RGS6: variants seen among roughly 807,000 people sequenced by gnomAD.
RGS6 encodes the protein regulator of G-protein signaling 6.
A neutral mutation model predicts 78.5 loss-of-function variants in RGS6; 30 were observed. That is an observed-to-expected ratio of 0.38 (90% CI 0.29 to 0.52). The LOEUF (loss-of-function observed/expected upper bound fraction) is 0.52, where lower values mean the gene tolerates loss of function less well. RGS6 is among the 20% of genes least tolerant of loss of function. The pLI, the probability that RGS6 is intolerant of heterozygous loss-of-function variation, is 0.85. For synonymous variants in RGS6, 206 were observed against 206.0 expected (o/e 1.00, Z 0.00); for missense variants, 495 against 609.7 (o/e 0.81, Z 1.98).
intron 2 of RGS6, among the ~76,000 whole-genome samples, chr14:72,094,809 T>G (rs1252227241): frequency 6.6e-6 from 1 of 152,204 alleles, no homozygotes; most frequent in Non-Finnish European, 1.5e-5. Context: ...TGTGGGTGAT[T>G]AAATGCTAAA....
chr14:72,465,621 G>GAT (rs1172911415), intron 6 of RGS6, 137 bp from the exon 7 acceptor site: 196 of 371,842 alleles, frequency 5.3e-4, no homozygotes, highest in South Asian at 2.6e-3. Flanking sequence ...TGGGTGGATG[G>GAT]GTGGATGGAT....
the RGS6 span, among the ~76,000 whole-genome samples, chr14:71,869,620 A>G: frequency 6.6e-6 from 1 of 152,358 alleles, no homozygotes; most frequent in South Asian, 2.1e-4. Context: ...TTTGAAAGAC[A>G]GAAAACCCAT....
At chr14:72,070,268 A>G (rs2094358657) in intron 2 of RGS6, among the ~76,000 whole-genome samples, 1 of 152,248 alleles carries the variant, frequency 6.6e-6, no homozygotes, top group South Asian at 2.1e-4. Flanking sequence ...GGTCTGAGTT[A>G]CAGAAGGATT....
chr14:72,039,913 C>T (rs891614489), intron 2 of RGS6, among the ~76,000 whole-genome samples: 1 of 139,270 alleles, frequency 7.2e-6, no homozygotes, highest in Non-Finnish European at 1.5e-5. Flanking sequence ...ATGGAGATTA[C>T]AAAAAACATC....
the RGS6 span, among the ~76,000 whole-genome samples, chr14:72,596,261 C>T: frequency 6.6e-6 from 1 of 152,176 alleles, no homozygotes; most frequent in Admixed American, 6.5e-5. Context: ...TCCCTTCCAT[C>T]TCCAAAGTCA....
chr14:72,039,738 TCTGTATA>T (rs2092174938), intron 2 of RGS6, among the ~76,000 whole-genome samples: 1 of 152,004 alleles, frequency 6.6e-6, no homozygotes, highest in Admixed American at 6.5e-5. Flanking sequence ...TTAACTGTAT[TCTGTATA>T]TGTTGTATCT....
intron 3 of RGS6, among the ~76,000 whole-genome samples, chr14:72,401,627 GA>G (rs77898540): frequency 0.27 from 35,218 of 128,556 alleles, 4,876 homozygotes; most frequent in South Asian, 0.42. Flanking sequence ...TTTCTACTGA[GA>G]AAAAAAAAAA....
At chr14:72,009,288 A>C (rs2085207577) in intron 2 of RGS6, among the ~76,000 whole-genome samples, 1 of 152,214 alleles carries the variant, frequency 6.6e-6, no homozygotes, top group Admixed American at 6.5e-5. Context: ...TCAAGGCTGC[A>C]GTGAGCCATT....
At chr14:72,145,626 C>A (rs2096597847) in intron 2 of RGS6, among the ~76,000 whole-genome samples, 1 of 152,132 alleles carries the variant, frequency 6.6e-6, no homozygotes, top group Non-Finnish European at 1.5e-5. Flanking sequence ...TTACAGGCAT[C>A]TGCCACCACA....
intron 15 of RGS6, among the ~76,000 whole-genome samples, chr14:72,521,464 T>G (rs1364455457): frequency 6.6e-6 from 1 of 152,236 alleles, no homozygotes; most frequent in Non-Finnish European, 1.5e-5. Context: ...GAAGGTTACA[T>G]ATTGACAAGT....
chr14:71,973,648 G>A lies in RGS6; in HGVS notation c.84+8773G>A, dbSNP rs147429907. Among the ~76,000 whole-genome samples the A allele has an allele frequency of 5.8e-3, 877 of 152,338 alleles. 2 individuals are homozygous for A. Among genetic ancestry groups the A allele is most frequent in the South Asian group, 0.012 (56 of 4,828 alleles). ...TACAGTGAGCAGAGATGGTGCCACC[G>A]CACTCCAGCCTGGGTGACAGAGTGA... On this transcript the variant is annotated intron_variant, in intron 2 of 17. Transcript: ENST00000553525.
chr14:71,879,262 G>A, the RGS6 span, among the ~76,000 whole-genome samples: 2,643 of 152,274 alleles, frequency 0.017, 87 homozygotes, highest in African/African-American at 0.06. Flanking sequence ...GAAATTTGCT[G>A]TATTTAGAAA....
chr14:72,331,304 G>A (rs572511115), intron 2 of RGS6, among the ~76,000 whole-genome samples: 14 of 151,784 alleles, frequency 9.2e-5, no homozygotes, highest in South Asian at 6.3e-4. Context: ...CTTACAGTGC[G>A]TAGCAGTTTG....
upstream of RGS6, among the ~76,000 whole-genome samples, chr14:71,931,480 A>G (rs370669381): frequency 2.0e-5 from 3 of 152,344 alleles, no homozygotes; most frequent in African/African-American, 7.2e-5. Context: ...TTTGGGAAGG[A>G]GACTTTACTC....
intron 13 of RGS6, among the ~76,000 whole-genome samples, chr14:72,507,827 A>G (rs577933832): frequency 1.3e-5 from 2 of 152,316 alleles, no homozygotes; most frequent in South Asian, 2.1e-4. Flanking sequence ...AGAGCCCTGA[A>G]TCCTCCTCTG....
chr14:72,297,519 A>G (rs1220657521), intron 2 of RGS6, among the ~76,000 whole-genome samples: 1 of 150,052 alleles, frequency 6.7e-6, no homozygotes, highest in Non-Finnish European at 1.5e-5. Flanking sequence ...GGTGCGCTGC[A>G]CCCACTAACT....
At chr14:72,197,097 G>A (rs867701932) in intron 2 of RGS6, among the ~76,000 whole-genome samples, 24 of 152,154 alleles carry the variant, frequency 1.6e-4, no homozygotes, top group African/African-American at 5.3e-4. Flanking sequence ...ACGGAGTCTT[G>A]CTCTGTTGCC....
chr14:72,488,438 A>G (rs1159191470), intron 12 of RGS6, among the ~76,000 whole-genome samples: 2 of 152,240 alleles, frequency 1.3e-5, no homozygotes, highest in East Asian at 3.8e-4. Context: ...GCTCTCAACC[A>G]CATTCTCCTA....
intron 17 of RGS6, chr14:72,553,389 T>C (rs978690495): frequency 6.6e-6 from 1 of 152,636 alleles, no homozygotes; most frequent in Non-Finnish European, 1.5e-5. Flanking sequence ...CACTCTCTAA[T>C]CTGTGGAATC....
Sources: allele counts gnomAD v4.1 joint callset (sites outside exome capture counted in the v4.1 genomes callset), GRCh38; gene constraint gnomAD v4.1.1; transcripts MANE v1.5; gene names NCBI Gene and HGNC (gene_info 2026-07-23, HGNC 2026-07-21).